Variants in MACROD2 observed in about 807,000 individuals in gnomAD.
The protein encoded by MACROD2 is ADP-ribose glycohydrolase MACROD2.
Under a neutral mutation model 70.4 loss-of-function variants are expected in MACROD2, and 36 were observed. That is an observed-to-expected ratio of 0.51 (90% CI 0.39 to 0.68). The LOEUF (loss-of-function observed/expected upper bound fraction) is 0.68, where lower values mean the gene tolerates loss of function less well. Among genes scored for constraint, MACROD2 ranks in the 30% least tolerant of loss-of-function variants. The probability of loss-of-function intolerance (pLI) is 0.00; values close to 1 mark genes in which losing one functional copy is unlikely to be tolerated. For synonymous variants in MACROD2, 172 were observed against 178.8 expected (o/e 0.96, Z 0.30); for missense variants, 496 against 538.4 (o/e 0.92, Z 0.78).
At chr20:14,507,870 A>G (rs1461354723) in intron 4 of MACROD2, among the ~76,000 whole-genome samples, 3 of 152,180 alleles carry the variant, frequency 2.0e-5, no homozygotes, top group Admixed American at 6.5e-5. Context: ...CTGAGAAATC[A>G]GCTCAGGGGC....
chr20:14,158,572 G>C (rs1403706975), intron 3 of MACROD2, among the ~76,000 whole-genome samples: 1 of 151,900 alleles, frequency 6.6e-6, no homozygotes, highest in African/African-American at 2.4e-5. Flanking sequence ...GTCTTGAGTT[G>C]ATTTTTGTAT....
At chr20:14,895,734 A>C (rs1222619314) in intron 5 of MACROD2, among the ~76,000 whole-genome samples, 2 of 152,148 alleles carry the variant, frequency 1.3e-5, no homozygotes, top group African/African-American at 4.8e-5. Flanking sequence ...AGAAAAGATA[A>C]AAATATTATC....
chr20:14,771,559 C>T (rs1280070597), intron 5 of MACROD2, among the ~76,000 whole-genome samples: 2 of 151,522 alleles, frequency 1.3e-5, no homozygotes, highest in Admixed American at 6.6e-5. Flanking sequence ...GTATGAATGT[C>T]ACAATATACC....
At chr20:16,019,144 C>T (rs2066968132) in intron 15 of MACROD2, among the ~76,000 whole-genome samples, 1 of 152,152 alleles carries the variant, frequency 6.6e-6, no homozygotes, top group Non-Finnish European at 1.5e-5. Context: ...GATGGATAAA[C>T]ATTGAGGCAA....
intron 4 of MACROD2, among the ~76,000 whole-genome samples, chr20:14,600,343 TACACACACACACACACACAC>T (rs1042255013): frequency 1.5e-5 from 2 of 130,198 alleles, no homozygotes; most frequent in African/African-American, 6.3e-5. Flanking sequence ...TATATATATA[TACACACACACACACACACAC>T]ACAAATATAT....
intron 6 of MACROD2, among the ~76,000 whole-genome samples, chr20:15,411,409 T>C (rs748439744): frequency 6.6e-6 from 1 of 152,212 alleles, no homozygotes; most frequent in Non-Finnish European, 1.5e-5. Context: ...AAAAAAAAAT[T>C]AGATGTTGAA....
intron 5 of MACROD2, among the ~76,000 whole-genome samples, chr20:14,933,637 T>TAA (rs11481730): frequency 1.6e-4 from 23 of 147,688 alleles, no homozygotes; most frequent in East Asian, 4.0e-4. Flanking sequence ...CTCAAAAAAA[T>TAA]AAAAAAAAAA....
At position 15,958,181 on chromosome 20, in the gene MACROD2, C is replaced by T. The variant is rs77259292; in HGVS notation, c.908-9372C>T. Among the ~76,000 whole-genome samples the T allele has an allele frequency of 4.8e-3, 726 of 152,172 alleles. 4 individuals carry two copies. The highest frequency in any genetic ancestry group is 0.017 in the African/African-American group (685 of 41,496). On this transcript the variant is annotated intron_variant, in intron 12 of 17. Coordinates refer to ENST00000684519, the MANE Select transcript of MACROD2 (RefSeq NM_001351661.2). ...TCTATTATACACAGAACTGATATTCCGCCAGTACACTCTAATCCTGCTGCA... is the reference window on the plus strand; with the variant it reads ...TCTATTATACACAGAACTGATATTCTGCCAGTACACTCTAATCCTGCTGCA...
chr20:14,451,447 GA>G (rs1488902959), intron 3 of MACROD2, among the ~76,000 whole-genome samples: 33 of 151,978 alleles, frequency 2.2e-4, no homozygotes, highest in Admixed American at 4.6e-4. Flanking sequence ...ACTGTGTCTC[GA>G]CAAAAAAACA....
chr20:14,066,703 G>A (rs2053762036), intron 2 of MACROD2, among the ~76,000 whole-genome samples: 1 of 151,642 alleles, frequency 6.6e-6, no homozygotes, highest in East Asian at 1.9e-4. Context: ...GTTCATTGCA[G>A]TCTATCAAGT....
intron 15 of MACROD2, among the ~76,000 whole-genome samples, chr20:16,030,696 A>T (rs1168997242): frequency 6.6e-6 from 1 of 152,230 alleles, no homozygotes; most frequent in Non-Finnish European, 1.5e-5. Flanking sequence ...TAGAGAAATA[A>T]ATCAGTTAAG....
At chr20:15,149,888 T>G (rs536949590) in intron 5 of MACROD2, among the ~76,000 whole-genome samples, 1 of 152,112 alleles carries the variant, frequency 6.6e-6, no homozygotes, top group South Asian at 2.1e-4. Flanking sequence ...AAAGCTGTCT[T>G]CAAGGAATGG....
At chr20:15,673,781 G>GAA (rs33967551) in intron 8 of MACROD2, among the ~76,000 whole-genome samples, 54,752 of 138,054 alleles carry the variant, frequency 0.4, 11,382 homozygotes, top group South Asian at 0.5. Context: ...CAGTAGGGAG[G>GAA]AAAAAAAAAA....
intron 5 of MACROD2, among the ~76,000 whole-genome samples, chr20:15,073,548 G>GC (rs2075635413): frequency 6.6e-6 from 1 of 150,428 alleles, no homozygotes; most frequent in African/African-American, 2.4e-5. Context: ...CTATAACTTG[G>GC]AAAAAATGCT....
At chr20:15,272,166 A>C (rs934751995) in intron 6 of MACROD2, among the ~76,000 whole-genome samples, 1 of 152,238 alleles carries the variant, frequency 6.6e-6, no homozygotes, top group Non-Finnish European at 1.5e-5. Context: ...TTTGCTAAAA[A>C]AGGGAAATTT....
intron 5 of MACROD2, among the ~76,000 whole-genome samples, chr20:15,108,607 T>C (rs1298349857): frequency 6.6e-6 from 1 of 152,214 alleles, no homozygotes; most frequent in East Asian, 1.9e-4. Flanking sequence ...TTCAGAGTTT[T>C]TATCATTTTT....
chr20:15,415,706 T>C (rs1014586972), intron 6 of MACROD2, among the ~76,000 whole-genome samples: 1 of 152,224 alleles, frequency 6.6e-6, no homozygotes, highest in African/African-American at 2.4e-5. Context: ...CTAAAAGTAT[T>C]CATCAAGTCA....
chr20:14,939,637 A>G (rs1437573934), intron 5 of MACROD2, among the ~76,000 whole-genome samples: 1 of 152,114 alleles, frequency 6.6e-6, no homozygotes, highest in Admixed American at 6.5e-5. Flanking sequence ...ATGCCATGGT[A>G]TTTTGATAGG....
At chr20:15,921,355 A>G (rs1361300744) in intron 10 of MACROD2, among the ~76,000 whole-genome samples, 1 of 152,144 alleles carries the variant, frequency 6.6e-6, no homozygotes, top group Admixed American at 6.5e-5. Context: ...TTGCGTGAAT[A>G]TTTCCCACTT....
Sources: gnomAD v4.1 joint callset for allele counts (sites outside exome capture counted in the v4.1 genomes callset) on GRCh38, gnomAD v4.1.1 for gene constraint, MANE v1.5 for transcripts, NCBI Gene and HGNC (gene_info 2026-07-23, HGNC 2026-07-21) for gene names.